DPP10: variants seen among roughly 807,000 people sequenced by gnomAD.
DPP10 encodes the protein inactive dipeptidyl peptidase 10.
In DPP10, 33 loss-of-function variants were observed where a neutral mutation model predicts 120.9. The ratio of observed to expected loss-of-function variants is 0.27; its 90% CI spans 0.21 to 0.37. The LOEUF (loss-of-function observed/expected upper bound fraction) is 0.37. Ranked by LOEUF, DPP10 falls within the 10% of genes least tolerant of loss-of-function variation. DPP10 has a pLI of 1.00. For synonymous variants in DPP10, 337 were observed against 326.1 expected (o/e 1.03, Z -0.36); for missense variants, 816 against 942.8 (o/e 0.87, Z 1.76).
intron 8 of DPP10, among the ~76,000 whole-genome samples, chr2:115,738,708 T>C (rs1434333547): frequency 6.6e-6 from 1 of 152,188 alleles, no homozygotes; most frequent in Non-Finnish European, 1.5e-5. Context: ...GAGAAGGTGA[T>C]AAATTCCATT....
chr2:115,381,008 G>A (rs1333315198), intron 3 of DPP10, among the ~76,000 whole-genome samples: 1 of 152,050 alleles, frequency 6.6e-6, no homozygotes, highest in South Asian at 2.1e-4. Context: ...TTTCAACTTT[G>A]GTGAATCTGA....
intron 1 of DPP10, among the ~76,000 whole-genome samples, chr2:115,121,413 C>T (rs2049817719): frequency 6.6e-6 from 1 of 152,210 alleles, no homozygotes; most frequent in African/African-American, 2.4e-5. Flanking sequence ...TAACTACTTC[C>T]TGCCTCCAGA....
At chr2:114,853,024 C>T (rs115687706) in intron 1 of DPP10, among the ~76,000 whole-genome samples, 2,447 of 152,224 alleles carry the variant, frequency 0.016, 82 homozygotes, top group African/African-American at 0.055. Context: ...AGGATAACTG[C>T]TCACAGACTT....
At chr2:115,221,104 G>T (rs2057131941) in intron 1 of DPP10, among the ~76,000 whole-genome samples, 1 of 151,756 alleles carries the variant, frequency 6.6e-6, no homozygotes, top group African/African-American at 2.4e-5. Flanking sequence ...TTTGCCCAGA[G>T]TGTGTGTTTT....
intron 1 of DPP10, among the ~76,000 whole-genome samples, chr2:114,889,962 A>G (rs868112685): frequency 4.6e-5 from 7 of 152,222 alleles, no homozygotes; most frequent in Non-Finnish European, 7.3e-5. Flanking sequence ...CCCACTGGAG[A>G]AGACTAGATA....
At chr2:115,161,917 G>T in intron 1 of DPP10, 1 of 1,437,932 alleles carries the variant, frequency 7.0e-7, no homozygotes, top group Non-Finnish European at 9.1e-7. Flanking sequence ...CGAGTCTGAA[G>T]CGCCCGCGAG....
intron 1 of DPP10, among the ~76,000 whole-genome samples, chr2:114,993,580 G>GTGTATATATATATATATATATA (rs71394121): frequency 2.4e-4 from 23 of 97,342 alleles, no homozygotes; most frequent in Non-Finnish European, 3.0e-4. Context: ...GTGTGTGTGT[G>GTGTATATATATATATATATATA]TATATATATA....
chr2:115,534,199 T>C (rs975596995), intron 5 of DPP10, among the ~76,000 whole-genome samples: 51 of 152,132 alleles, frequency 3.4e-4, no homozygotes, highest in African/African-American at 1.2e-3. Flanking sequence ...CATGCTGGTG[T>C]GCTGCACCCA....
At chr2:115,787,500 AG>A (rs1480548996) in intron 17 of DPP10, among the ~76,000 whole-genome samples, 1 of 151,282 alleles carries the variant, frequency 6.6e-6, no homozygotes, top group Non-Finnish European at 1.5e-5. Context: ...ATGCTGCAGA[AG>A]AAAAGATCAG....
Position 115,484,862 on chromosome 2 carries a change from A to C in DPP10, c.272-14648A>C, listed in dbSNP as rs189660218. ...TTCTCCCACCTCCTACCTAAAATAG[A>C]AAATGGTAACAATGACTTATCTATC... On this transcript the variant is annotated intron_variant, in intron 3 of 25. Transcript: ENST00000410059. 2.7e-4 allele frequency among the ~76,000 whole-genome samples: 41 copies of C among 152,264 alleles called. No homozygotes were observed. In the East Asian group the frequency reaches 6.4e-3, roughly 24 times the overall value.
intron 1 of DPP10, among the ~76,000 whole-genome samples, chr2:114,793,961 G>T (rs1047508959): frequency 1.3e-5 from 2 of 152,084 alleles, no homozygotes; most frequent in Middle Eastern, 3.2e-3. Flanking sequence ...TCATCCTAAG[G>T]TTGCTCAGTC....
intron 3 of DPP10, among the ~76,000 whole-genome samples, chr2:115,348,302 A>T (rs970292711): frequency 2.6e-5 from 4 of 152,180 alleles, no homozygotes; most frequent in Non-Finnish European, 5.9e-5. Context: ...ACTAGAGTTT[A>T]TACACATGTT....
At chr2:114,969,446 T>C (rs1165902726) in intron 1 of DPP10, among the ~76,000 whole-genome samples, 5 of 152,234 alleles carry the variant, frequency 3.3e-5, no homozygotes, top group South Asian at 2.1e-4. Context: ...GAAATATATA[T>C]ATGTGTGTTT....
intron 1 of DPP10, among the ~76,000 whole-genome samples, chr2:114,538,729 A>T (rs1034501754): frequency 6.6e-6 from 1 of 152,350 alleles, no homozygotes; most frequent in Non-Finnish European, 1.5e-5. Context: ...AGCGTAGATT[A>T]GTGGGTGACA....
chr2:115,361,639 C>T (rs2064775226), intron 3 of DPP10, among the ~76,000 whole-genome samples: 1 of 152,144 alleles, frequency 6.6e-6, no homozygotes, highest in Non-Finnish European at 1.5e-5. Context: ...CAGGATCTCT[C>T]ATAGCTAGGA....
chr2:115,790,735 G>A (rs915414246), intron 17 of DPP10, among the ~76,000 whole-genome samples: 1 of 152,062 alleles, frequency 6.6e-6, no homozygotes, highest in East Asian at 1.9e-4. Context: ...CTGTGTTTCT[G>A]TATCCCTTTT....
chr2:114,552,563 T>A (rs1039709224), intron 1 of DPP10, among the ~76,000 whole-genome samples: 1 of 152,098 alleles, frequency 6.6e-6, no homozygotes, highest in African/African-American at 2.4e-5. Flanking sequence ...CTTTTTTTTT[T>A]AGACCAAGTC....
rs1018370812 is a variant in DPP10 at position 115,305,757 on chromosome 2, TA to T, written c.61-3472del. Among the ~76,000 whole-genome samples, 17 of 148,938 alleles carry T rather than the reference TA, an allele frequency of 1.1e-4. No homozygotes were observed. The South Asian group carries it at 1.3e-3, about 11-fold the overall frequency. The stretch of plus-strand genomic sequence containing the variant: ...TCTCTCTAACAACATTTTTTTAAAT[TA>T]AAAAAAAAATAAAATTTTCTAAGAT... On this transcript the variant is annotated intron_variant, in intron 1 of 25. Coordinates refer to ENST00000410059, the MANE Select transcript of DPP10 (RefSeq NM_020868.6).
chr2:115,774,209 TACACACACACACACAC>T (rs3069387), intron 13 of DPP10, among the ~76,000 whole-genome samples: 3 of 147,520 alleles, frequency 2.0e-5, no homozygotes, highest in Non-Finnish European at 4.5e-5. Flanking sequence ...AAAACACACA[TACACACACACACACAC>T]ACACACACAC....
Sources: allele counts gnomAD v4.1 joint callset (sites outside exome capture counted in the v4.1 genomes callset), GRCh38; gene constraint gnomAD v4.1.1; transcripts MANE v1.5; gene names NCBI Gene and HGNC (gene_info 2026-07-23, HGNC 2026-07-21).